SLC10A7: variants seen among roughly 807,000 people sequenced by gnomAD.
SLC10A7 encodes the protein sodium/bile acid cotransporter 7.
A neutral mutation model predicts 43.2 loss-of-function variants in SLC10A7; 29 were observed. The ratio of observed to expected loss-of-function variants is 0.67; its 90% confidence interval spans 0.50 to 0.92. SLC10A7 has a LOEUF of 0.92. Ranked by LOEUF, SLC10A7 falls within the 40% of genes least tolerant of loss-of-function variation. The pLI is 0.00. For missense variants in SLC10A7, 295 were observed against 403.2 expected, an observed-to-expected ratio of 0.73 and a Z score of 2.30; for synonymous variants, 152 against 144.8, an observed-to-expected ratio of 1.05 and a Z score of -0.35.
Position 146,367,546 on chromosome 4 carries a change from G to GAC in SLC10A7, c.436-41552_436-41551dup, listed in dbSNP as rs146190820. 2.9e-4 allele frequency among the ~76,000 whole-genome samples: 44 copies of GAC among 152,282 alleles called. No individual in the cohort carries two copies. In the East Asian group the frequency reaches 8.3e-3, roughly 29 times the overall value. Reference sequence around the variant, plus strand: ...TGTTTATGCAGTCCTTTTCAATGGAGACACTGAATGCCAGTTCTATTTTTA... The same window carrying GAC: ...TGTTTATGCAGTCCTTTTCAATGGAGACACACTGAATGCCAGTTCTATTTTTA... On this transcript the variant is annotated intron_variant, in intron 5 of 11. Transcript: ENST00000335472.
At position 146,406,473 on chromosome 4, in the gene SLC10A7, T is replaced by A. The variant is rs902022964; in HGVS notation, c.435+36310A>T. On this transcript the variant is annotated intron_variant, in intron 5 of 11. Transcript: ENST00000335472. ...TTAGACTGACAGTTCCATGTCCTCA[T>A]CTATAAGCTCTTCATTGGTACTTTG... is the stretch of plus-strand genomic sequence containing the variant. Among the ~76,000 whole-genome samples, 3 of 152,234 alleles carry A rather than the reference T, an allele frequency of 2.0e-5. No individual in the cohort carries two copies. In the South Asian group the frequency reaches 6.2e-4, roughly 31 times the overall value.
chr4:146,439,956 C>T (rs1319057), intron 5 of SLC10A7, among the ~76,000 whole-genome samples: 2,663 of 152,268 alleles, frequency 0.017, 68 homozygotes, highest in African/African-American at 0.061. Context: ...AAATCTTCTT[C>T]CTAATCCCAA....
At chr4:146,404,479 TG>T in intron 5 of SLC10A7, among the ~76,000 whole-genome samples, 1 of 35,326 alleles carries the variant, frequency 2.8e-5, no homozygotes, top group South Asian at 1.3e-3. Flanking sequence ...CTCATTTATG[TG>T]TGTGTGTGTG....
chr4:146,509,612 A>G (rs540909852), intron 3 of SLC10A7, among the ~76,000 whole-genome samples: 1 of 152,218 alleles, frequency 6.6e-6, no homozygotes. Flanking sequence ...ATTGACTTGC[A>G]TACAGATCTT....
At chr4:146,398,990 A>G (rs1739030966) in intron 5 of SLC10A7, among the ~76,000 whole-genome samples, 1 of 152,238 alleles carries the variant, frequency 6.6e-6, no homozygotes, top group Non-Finnish European at 1.5e-5. Flanking sequence ...TGGGGAAATT[A>G]ACAAGATTAA....
intron 5 of SLC10A7, among the ~76,000 whole-genome samples, chr4:146,390,486 CG>C (rs1738348145): frequency 6.6e-6 from 1 of 151,888 alleles, no homozygotes; most frequent in Non-Finnish European, 1.5e-5. Context: ...AAAAATTAGC[CG>C]GGTGTGGAGG....
At chr4:146,391,499 G>A (rs1301334817) in intron 5 of SLC10A7, among the ~76,000 whole-genome samples, 2 of 152,162 alleles carry the variant, frequency 1.3e-5, no homozygotes, top group East Asian at 3.9e-4. Context: ...TTTGAGTTGA[G>A]AAATAAAGTG....
chr4:146,455,025 G>C (rs1208482888), intron 4 of SLC10A7, among the ~76,000 whole-genome samples: 1 of 151,574 alleles, frequency 6.6e-6, no homozygotes, highest in Non-Finnish European at 1.5e-5. Flanking sequence ...CAATTTCTCA[G>C]TATTCCTCAA....
intron 5 of SLC10A7, among the ~76,000 whole-genome samples, chr4:146,410,281 A>G (rs1031274232): frequency 2.0e-5 from 3 of 152,156 alleles, no homozygotes; most frequent in Non-Finnish European, 2.9e-5. Context: ...AATTAAAGAC[A>G]ATATATCTCA....
chr4:146,447,790 T>C (rs147229371), intron 4 of SLC10A7, among the ~76,000 whole-genome samples: 128 of 152,240 alleles, frequency 8.4e-4, no homozygotes, highest in African/African-American at 3.1e-3. Context: ...CAATATAAGA[T>C]ATTTTACTAA....
chr4:146,503,373 C>T (rs897282789), intron 4 of SLC10A7, among the ~76,000 whole-genome samples: 1 of 152,216 alleles, frequency 6.6e-6, no homozygotes, highest in Non-Finnish European at 1.5e-5. Flanking sequence ...AGTCCCCTAG[C>T]AGTTGAATAA....
At chr4:146,379,959 C>CTCTG (rs1737493241) in intron 5 of SLC10A7, among the ~76,000 whole-genome samples, 1 of 80,346 alleles carries the variant, frequency 1.2e-5, no homozygotes, top group African/African-American at 5.0e-5. Flanking sequence ...CTCTCTCTCT[C>CTCTG]TGTGTGTGTG....
chr4:146,392,070 T>C (rs967684535), intron 5 of SLC10A7, among the ~76,000 whole-genome samples: 2 of 152,216 alleles, frequency 1.3e-5, no homozygotes, highest in African/African-American at 2.4e-5. Flanking sequence ...AGATACGACT[T>C]GTCTGCAAAC....
At chr4:146,314,469 A>C (rs1349896364) in intron 6 of SLC10A7, among the ~76,000 whole-genome samples, 3 of 152,152 alleles carry the variant, frequency 2.0e-5, no homozygotes, top group African/African-American at 7.2e-5. Flanking sequence ...GTGCCTTATA[A>C]ACCTACTTGC....
chr4:146,266,869 C>A (rs1728591172), intron 10 of SLC10A7, among the ~76,000 whole-genome samples: 1 of 152,056 alleles, frequency 6.6e-6, no homozygotes, highest in Admixed American at 6.6e-5. Context: ...ATGAAATGCA[C>A]CTACTTTGTC....
intron 5 of SLC10A7, among the ~76,000 whole-genome samples, chr4:146,382,210 T>C (rs546335809): frequency 1.3e-5 from 2 of 152,300 alleles, no homozygotes; most frequent in Admixed American, 6.5e-5. Context: ...ATAACACTTA[T>C]GAATGGATAA....
chr4:146,305,870 TA>T, intron 7 of SLC10A7, 55 bp downstream of exon 7: 1 of 1,448,578 alleles, frequency 6.9e-7, no homozygotes, highest in Non-Finnish European at 9.4e-7. Flanking sequence ...TGACATTATG[TA>T]AGATTTCACA....
At chr4:146,455,785 C>G (rs1421650055) in intron 4 of SLC10A7, among the ~76,000 whole-genome samples, 1 of 151,928 alleles carries the variant, frequency 6.6e-6, no homozygotes, top group East Asian at 1.9e-4. Flanking sequence ...AGTGCACAAT[C>G]TCCTTTACAG....
chr4:146,330,141 G>A (rs1188904459), intron 5 of SLC10A7, among the ~76,000 whole-genome samples: 1 of 152,142 alleles, frequency 6.6e-6, no homozygotes, highest in African/African-American at 2.4e-5. Flanking sequence ...TGAATGACTA[G>A]GTGAATGTAT....
Sources: allele counts gnomAD v4.1 joint callset (sites outside exome capture counted in the v4.1 genomes callset), GRCh38; gene constraint gnomAD v4.1.1; transcripts MANE v1.5; gene names NCBI Gene and HGNC (gene_info 2026-07-23, HGNC 2026-07-21).